The following ZNF451 variants were observed in gnomAD, a reference collection of about 807,000 sequenced individuals.
ZNF451 encodes E3 SUMO-protein ligase ZNF451.
ZNF451 carries 80 observed loss-of-function variants against 107.1 expected under a neutral mutation model. That is an observed-to-expected ratio of 0.75 (90% CI 0.62 to 0.90). The LOEUF is 0.90. Ranked by LOEUF, ZNF451 falls within the 40% of genes least tolerant of loss-of-function variation. The pLI is 0.00. For synonymous variants in ZNF451, 362 were observed against 406.5 expected, an observed-to-expected ratio of 0.89 and a Z score of 1.32; for missense variants, 1,107 against 1,236.2, an observed-to-expected ratio of 0.90 and a Z score of 1.57.
chr6:57,141,560 T>G, intron 8 of ZNF451, 105 bp downstream of exon 8: 1 of 1,062,506 alleles, frequency 9.4e-7, no homozygotes, highest in Admixed American at 3.0e-5. Context: ...ATCTTAGTTT[T>G]AGAACTATGA....
chr6:57,166,102 A>T (rs1763884871), intron 14 of ZNF451, among the ~76,000 whole-genome samples: 1 of 150,946 alleles, frequency 6.6e-6, no homozygotes, highest in South Asian at 2.1e-4. Flanking sequence ...ATCTTGGCTC[A>T]CTGCAACCTC....
chr6:57,135,109 T>G (rs1831367596), intron 7 of ZNF451, among the ~76,000 whole-genome samples: 1 of 152,176 alleles, frequency 6.6e-6, no homozygotes, highest in East Asian at 1.9e-4. Context: ...ATGGAGTTGC[T>G]CTATGAAATT....
At chr6:57,144,280 A>C (rs1381040039) in intron 9 of ZNF451, among the ~76,000 whole-genome samples, 2 of 129,504 alleles carry the variant, frequency 1.5e-5, no homozygotes, top group African/African-American at 6.0e-5. Flanking sequence ...TCTGTCTGTC[A>C]CCTAGGCTGG....
In ZNF451 at chr6:57,147,209, C is replaced by T. The variant is rs574928676; in HGVS notation, c.1124C>T (p.Thr375Ile). ...TGCAATCAAGTCTTTGTGGATGAAA[C>T]CAGCACCCAAAATCATAAGCAGAAT... ...PDCNQVFVDE[T>I]STQNHKQNSG... is the part of the protein sequence containing the mutation. Residue 375 changes from threonine to isoleucine, a missense_variant, in exon 10 of 15, where the codon ACC becomes ATC. By Grantham distance (89) the Thr-to-Ile change is moderately conservative (BLOSUM62 -1). This residue lies in a region of ZNF451 where 608 missense variants were observed against 649.2 expected (regional missense o/e 0.94). Coordinates refer to ENST00000370706, the MANE Select transcript of ZNF451 (RefSeq NM_001031623.3). The T allele has an allele frequency of 1.2e-6, 2 of 1,613,866 alleles. No homozygotes were observed. The highest frequency in any genetic ancestry group is 1.7e-5 in the Admixed American group (1 of 59,988).
chr6:57,152,443 T>C, intron 12 of ZNF451, 92 bp downstream of exon 12: 1 of 1,441,044 alleles, frequency 6.9e-7, no homozygotes, highest in Non-Finnish European at 9.6e-7. Flanking sequence ...TTATAGATCA[T>C]TCTTCAGTAC....
chr6:57,132,811 C>CA (rs200810097), intron 5 of ZNF451, among the ~76,000 whole-genome samples: 25 of 143,118 alleles, frequency 1.7e-4, no homozygotes, highest in East Asian at 8.0e-4. Context: ...ATGCCCATCT[C>CA]AAAAAAAAAA....
intron 14 of ZNF451, among the ~76,000 whole-genome samples, chr6:57,167,156 A>G (rs1264910534): frequency 6.6e-6 from 1 of 152,014 alleles, no homozygotes; most frequent in Non-Finnish European, 1.5e-5. Context: ...TAATTGTAAA[A>G]CAGACGTTGT....
intron 9 of ZNF451, 55 bp from the exon 10 acceptor site, chr6:57,147,035 G>A (rs547914220): frequency 1.4e-6 from 2 of 1,457,426 alleles, no homozygotes; most frequent in African/African-American, 1.4e-5. Context: ...ATGCAGCAAT[G>A]GTATATTTAG....
intron 13 of ZNF451, among the ~76,000 whole-genome samples, chr6:57,155,054 A>C (rs147937583): frequency 6.6e-6 from 1 of 152,350 alleles, no homozygotes; most frequent in Non-Finnish European, 1.5e-5. Flanking sequence ...TAATGATGGA[A>C]GATTATAAAA....
In ZNF451 at chr6:57,147,636, G is replaced by A; in HGVS notation, c.1551G>A (p.Met517Ile). 6.2e-7 allele frequency: 1 copy of A among 1,614,152 alleles called. No individual in the cohort carries two copies. Among genetic ancestry groups the A allele is most frequent in the Non-Finnish European group, 8.5e-7 (1 of 1,179,986 alleles). ...ATTCAGGGGTCATTCGTTTACACAT[G>A]AGCCGGATTCACGGAGGGGCACATT... Reference protein sequence around the residue: ...CDDSGVIRLHMSRIHGGAHLN... With the variant: ...CDDSGVIRLHISRIHGGAHLN... The change falls in exon 10 of 15, where the codon ATG (methionine) becomes ATA (isoleucine). Residue 517 changes from methionine (M) to isoleucine (I), a missense_variant. By Grantham distance (10) the Met-to-Ile change is conservative. Around this residue, in one of 5 missense-constraint regions of ZNF451, gnomAD observed 608 missense variants for 649.2 expected, o/e 0.94. Transcript: ENST00000370706.
chr6:57,094,673 C>A (rs142631585), intron 2 of ZNF451, among the ~76,000 whole-genome samples: 98 of 152,070 alleles, frequency 6.4e-4, no homozygotes, highest in African/African-American at 2.1e-3. Flanking sequence ...AACATAACTT[C>A]TTTTGAGAAA....
At chr6:57,098,586 G>C (rs1381580107) in intron 2 of ZNF451, among the ~76,000 whole-genome samples, 1 of 152,044 alleles carries the variant, frequency 6.6e-6, no homozygotes, top group Non-Finnish European at 1.5e-5. Context: ...GACATTCAAG[G>C]CCTGGTTGAT....
chr6:57,109,586 T>A (rs1225517885), intron 3 of ZNF451: 1 of 985,242 alleles, frequency 1.0e-6, no homozygotes, highest in Non-Finnish European at 1.2e-6. Context: ...ACATACATTT[T>A]AAAATGTTAT....
intron 3 of ZNF451, chr6:57,103,681 C>T: frequency 1.0e-6 from 1 of 981,442 alleles, no homozygotes; most frequent in Non-Finnish European, 1.2e-6. Flanking sequence ...TCTGTAACTT[C>T]TGCGTTTTTT....
chr6:57,147,890 C>T lies in ZNF451; in HGVS notation c.1805C>T (p.Pro602Leu), dbSNP rs199784598. Residue 602 changes from proline (P) to leucine (L), a missense_variant, in exon 10 of 15, where the codon CCG (proline) becomes CTG (leucine). Coordinates refer to ENST00000370706, the MANE Select transcript of ZNF451 (RefSeq NM_001031623.3). The part of the protein sequence containing the change: ...VIDHSPANSS[P>L]RGKWQCRICE... ...GATCATTCCCCGGCAAATAGTTCTC[C>T]GAGGGGTAAATGGCAATGCCGGATT... 19 of 1,614,060 alleles carry T rather than the reference C, an allele frequency of 1.2e-5. No individual in the cohort carries two copies. Among genetic ancestry groups the T allele is most frequent in the East Asian group, 2.2e-5 (1 of 44,874 alleles).
chr6:57,110,373 G>T (rs1830055260), intron 3 of ZNF451, among the ~76,000 whole-genome samples: 1 of 152,132 alleles, frequency 6.6e-6, no homozygotes, highest in African/African-American at 2.4e-5. Flanking sequence ...CTAGGGGTTG[G>T]TTTGTACCAT....
At chr6:57,142,118 A>G in intron 9 of ZNF451, 23 bp downstream of exon 9, 1 of 1,584,854 alleles carries the variant, frequency 6.3e-7, no homozygotes, top group African/African-American at 1.3e-5. Context: ...CTGGAGCTGT[A>G]AAGGAATACG....
Position 57,124,841 on chromosome 6 carries a change from G to C in ZNF451, c.294G>C (p.Glu98Asp), listed in dbSNP as rs1211660941. 1 of 1,609,292 alleles carries C rather than the reference G, an allele frequency of 6.2e-7. No homozygotes were observed. ...AAGTGGAGAAACAGCAGAAAGAAGAGAAGAATAGAGCATTCAGAGTATGTG... is the reference window on the plus strand; with the variant it reads ...AAGTGGAGAAACAGCAGAAAGAAGACAAGAATAGAGCATTCAGAGTATGTG... ...HVEVEKQQKE[E>D]KNRAFREKID... is the part of the protein sequence containing the mutation. Residue 98 changes from glutamate to aspartate, a missense_variant, in exon 4 of 15, where the codon GAG becomes GAC. Transcript: ENST00000370706.
intron 3 of ZNF451, chr6:57,109,669 C>T: frequency 1.0e-6 from 1 of 983,508 alleles, no homozygotes; most frequent in Non-Finnish European, 1.2e-6. Flanking sequence ...GGCTGTCTTA[C>T]AAGCCTAACA....
Sources: gnomAD v4.1 joint callset for allele counts (sites outside exome capture counted in the v4.1 genomes callset) on GRCh38, gnomAD v4.1.1 for gene constraint, gnomAD v4.1.1 regional missense constraint, MANE v1.5 for transcripts, NCBI Gene and HGNC (gene_info 2026-07-23, HGNC 2026-07-21) for gene names.